The following TENM3 variants were observed in gnomAD, a reference collection of about 807,000 sequenced individuals.
TENM3 encodes teneurin transmembrane protein 3.
TENM3 carries 63 observed loss-of-function variants against 255.1 expected under a neutral mutation model. The ratio of observed to expected loss-of-function variants is 0.25; its 90% CI spans 0.20 to 0.30. The LOEUF is 0.30. Among genes scored for constraint, TENM3 ranks in the 10% least tolerant of loss-of-function variants. TENM3 has a pLI of 1.00. For synonymous variants in TENM3, 1,306 were observed against 1,322.3 expected (o/e 0.99, Z 0.27); for missense variants, 2,929 against 3,461.1 (o/e 0.85, Z 3.86).
At chr4:181,703,526 C>T in the TENM3 span, among the ~76,000 whole-genome samples, 654 of 152,224 alleles carry the variant, frequency 4.3e-3, 6 homozygotes, top group African/African-American at 0.015. Context: ...TGCGTTAAAA[C>T]CTTCTCCCTC....
the TENM3 span, among the ~76,000 whole-genome samples, chr4:181,934,075 T>TGCGC: frequency 2.2e-4 from 32 of 147,990 alleles, no homozygotes; most frequent in South Asian, 4.3e-4. Context: ...TGTGTGTGTG[T>TGCGC]GCGCGCGCTT....
chr4:182,134,367 C>A, the TENM3 span, among the ~76,000 whole-genome samples: 2 of 152,314 alleles, frequency 1.3e-5, no homozygotes, highest in Admixed American at 6.5e-5. Context: ...CATGCACCCT[C>A]TCTTCCTTCC....
chr4:182,341,628 C>T (rs1312242415), intron 2 of TENM3, among the ~76,000 whole-genome samples: 1 of 152,122 alleles, frequency 6.6e-6, no homozygotes, highest in Non-Finnish European at 1.5e-5. Flanking sequence ...TAAAATTTTG[C>T]AACAATGCTG....
At chr4:182,284,525 T>C (rs1020118087) in intron 1 of TENM3, among the ~76,000 whole-genome samples, 6 of 152,172 alleles carry the variant, frequency 3.9e-5, no homozygotes, top group Non-Finnish European at 8.8e-5. Context: ...GGGGAAATGT[T>C]GAACCTGTGT....
At chr4:182,338,457 G>C (rs1764276817) in intron 2 of TENM3, among the ~76,000 whole-genome samples, 1 of 152,282 alleles carries the variant, frequency 6.6e-6, no homozygotes, top group Non-Finnish European at 1.5e-5. Flanking sequence ...CCTGTTTTAA[G>C]CTCTTAGATA....
At chr4:181,672,323 T>G in the TENM3 span, among the ~76,000 whole-genome samples, 1 of 152,196 alleles carries the variant, frequency 6.6e-6, no homozygotes, top group Non-Finnish European at 1.5e-5. Context: ...CAATATTTGC[T>G]TTATTTGTTA....
At chr4:181,637,358 C>T in the TENM3 span, among the ~76,000 whole-genome samples, 19 of 152,304 alleles carry the variant, frequency 1.2e-4, no homozygotes, top group East Asian at 1.2e-3. Context: ...CCAGCAACTC[C>T]GGGCTGTGGA....
chr4:181,497,190 CACAT>C, the TENM3 span, among the ~76,000 whole-genome samples: 8 of 152,102 alleles, frequency 5.3e-5, no homozygotes, highest in South Asian at 8.3e-4. Flanking sequence ...TTCTAATAGA[CACAT>C]ACATACAGAG....
chr4:182,774,484 A>T (rs1367447934), intron 23 of TENM3, among the ~76,000 whole-genome samples: 3 of 152,202 alleles, frequency 2.0e-5, no homozygotes, highest in Non-Finnish European at 2.9e-5. Context: ...CAAGATATAG[A>T]TATTAATCCT....
At chr4:181,559,154 G>A in the TENM3 span, among the ~76,000 whole-genome samples, 1 of 152,026 alleles carries the variant, frequency 6.6e-6, no homozygotes, top group African/African-American at 2.4e-5. Context: ...GCTTCCTAAA[G>A]GGTAATTGGA....
intron 13 of TENM3, among the ~76,000 whole-genome samples, chr4:182,719,608 A>T (rs1335979929): frequency 6.6e-6 from 1 of 152,070 alleles, no homozygotes; most frequent in Non-Finnish European, 1.5e-5. Context: ...GGGGTATATC[A>T]GGAAGATGTA....
At chr4:182,335,494 CAAAAAAAAAAA>C (rs372965020) in intron 2 of TENM3, among the ~76,000 whole-genome samples, 4 of 52,400 alleles carry the variant, frequency 7.6e-5, no homozygotes, top group South Asian at 1.4e-3. Flanking sequence ...GACTCCGCCT[CAAAAAAAAAAA>C]AAAAAAAAAA....
chr4:182,100,806 T>TATAC, the TENM3 span, among the ~76,000 whole-genome samples: 3 of 5,922 alleles, frequency 5.1e-4, no homozygotes, highest in East Asian at 8.1e-3. Flanking sequence ...CACATATATA[T>TATAC]ACACATATAT....
At chr4:182,798,606 G>A (rs185071314) in intron 27 of TENM3, among the ~76,000 whole-genome samples, 5 of 152,336 alleles carry the variant, frequency 3.3e-5, no homozygotes, top group East Asian at 1.9e-4. Flanking sequence ...AAGACATACC[G>A]AAGTTTCCTA....
At chr4:182,686,418 G>A (rs573552448) in intron 11 of TENM3, among the ~76,000 whole-genome samples, 1 of 151,904 alleles carries the variant, frequency 6.6e-6, no homozygotes, top group Non-Finnish European at 1.5e-5. Flanking sequence ...TTACATTTGT[G>A]GCTTAAAGTT....
At chr4:181,537,257 T>G in the TENM3 span, among the ~76,000 whole-genome samples, 8 of 152,196 alleles carry the variant, frequency 5.3e-5, no homozygotes, top group Non-Finnish European at 1.2e-4. Flanking sequence ...AGACAGAATT[T>G]TATATTGCCA....
the TENM3 span, among the ~76,000 whole-genome samples, chr4:181,653,205 G>A: frequency 2.6e-5 from 4 of 152,116 alleles, no homozygotes; most frequent in Admixed American, 6.5e-5. Context: ...TCAGGCTTCC[G>A]CACTATTCAG....
At chr4:182,307,759 T>C (rs1240048218) in intron 1 of TENM3, among the ~76,000 whole-genome samples, 3 of 152,222 alleles carry the variant, frequency 2.0e-5, no homozygotes, top group East Asian at 1.9e-4. Context: ...CAAATTGTTG[T>C]TGTGGTTTAA....
At chr4:181,911,597 G>A in the TENM3 span, among the ~76,000 whole-genome samples, 86 of 152,270 alleles carry the variant, frequency 5.6e-4, no homozygotes, top group African/African-American at 1.8e-3. Context: ...TTTGAGCAAC[G>A]GTTAAAAGTA....
Sources: allele counts gnomAD v4.1 joint callset (sites outside exome capture counted in the v4.1 genomes callset), GRCh38; gene constraint gnomAD v4.1.1; transcripts MANE v1.5; gene names NCBI Gene and HGNC (gene_info 2026-07-23, HGNC 2026-07-21).